The following SARDH variants were observed in gnomAD, a reference collection of about 807,000 sequenced individuals.
SARDH encodes sarcosine dehydrogenase, also known as sarcosine dehydrogenase, mitochondrial.
Under a neutral mutation model 109.1 loss-of-function variants are expected in SARDH, and 95 were observed. That is an observed-to-expected ratio of 0.87 (90% CI 0.74 to 1.03). The LOEUF is 1.03. Ranked by LOEUF, SARDH falls within the 50% of genes least tolerant of loss-of-function variation. SARDH has a pLI of 0.00. For missense variants in SARDH, 1,267 were observed against 1,287.8 expected, an observed-to-expected ratio of 0.98 and a Z score of 0.25; for synonymous variants, 572 against 534.8, an observed-to-expected ratio of 1.07 and a Z score of -0.96.
In SARDH at chr9:133,709,406, T is replaced by C. The variant is rs1831830030; in HGVS notation, c.1329-978A>G. Among the ~76,000 whole-genome samples, 1 of 152,132 alleles carries C rather than the reference T, an allele frequency of 6.6e-6. No individual in the cohort carries two copies. Among genetic ancestry groups the C allele is most frequent in the South Asian group, 2.1e-4 (1 of 4,834 alleles). ...CCCGGGCCCAGCTGCATCAGGGCCC[T>C]GCAGCCGCCTCCCACGCACAAACCT... is the stretch of plus-strand genomic sequence containing the variant. On this transcript the variant is annotated intron_variant, in intron 10 of 20. Transcript: ENST00000439388. This position sits in a 1 kb window ranked among gnomAD's most constrained non-coding sequence, Gnocchi z 4.2.
In SARDH at chr9:133,687,730, T is replaced by C. The variant is rs569531455; in HGVS notation, c.2070-2444A>G. ...TATGGAGCATTTCCAGAAAGTTCCATGGGGCAGCAGCTCACACAGCCCCTA... is the reference window on the plus strand; with the variant it reads ...TATGGAGCATTTCCAGAAAGTTCCACGGGGCAGCAGCTCACACAGCCCCTA... On this transcript the variant is annotated intron_variant, in intron 16 of 20. Transcript: ENST00000439388. Among the ~76,000 whole-genome samples, 3 of 152,334 alleles carry C rather than the reference T, an allele frequency of 2.0e-5. No homozygotes were observed. In the South Asian group the frequency reaches 6.2e-4, roughly 32 times the overall value.
intron 16 of SARDH, among the ~76,000 whole-genome samples, chr9:133,685,802 C>T (rs926623836): frequency 6.6e-6 from 1 of 152,190 alleles, no homozygotes; most frequent in Non-Finnish European, 1.5e-5. Context: ...TTGCCCAAGG[C>T]AGAGCCGGAT....
At chr9:133,717,700 C>A (rs1229568715) in intron 7 of SARDH, among the ~76,000 whole-genome samples, 2 of 151,814 alleles carry the variant, frequency 1.3e-5, no homozygotes, top group Non-Finnish European at 2.9e-5. Context: ...TCCCACCATG[C>A]CCCTTCCCTA....
chr9:133,715,446 G>A lies in SARDH; in HGVS notation c.1150+1880C>T, dbSNP rs28561635. Among the ~76,000 whole-genome samples, 1,119 of 152,248 alleles carry A rather than the reference G, an allele frequency of 7.3e-3. 11 individuals carry two copies. Among genetic ancestry groups the A allele is most frequent in the African/African-American group, 0.023 (939 of 41,544 alleles). ...CTGCGGGGTGGGGGCAGTGAGTCAC[G>A]GCTGTGTGCTCCTACCCTGCACGCT... is the stretch of plus-strand genomic sequence containing the variant. On this transcript the variant is annotated intron_variant, in intron 8 of 20. Transcript: ENST00000439388.
chr9:133,674,948 G>A (rs972634207), intron 17 of SARDH, among the ~76,000 whole-genome samples: 7 of 152,186 alleles, frequency 4.6e-5, no homozygotes, highest in Admixed American at 1.3e-4. Flanking sequence ...CACGGGATGG[G>A]AGAGAACATT....
intron 3 of SARDH, 94 bp from the exon 4 acceptor site, chr9:133,731,578 C>T: frequency 7.7e-7 from 1 of 1,292,092 alleles, no homozygotes; most frequent in Non-Finnish European, 1.1e-6. Context: ...AAACCCCAGC[C>T]TCACTTTCTC....
intron 17 of SARDH, among the ~76,000 whole-genome samples, chr9:133,684,587 C>T (rs1830816602): frequency 6.6e-6 from 1 of 152,130 alleles, no homozygotes; most frequent in African/African-American, 2.4e-5. Flanking sequence ...CTGAGGGAGC[C>T]TCCTGCCTGG....
chr9:133,729,870 G>T lies in SARDH; in HGVS notation c.815-5C>A. 6.2e-7 allele frequency: 1 copy of T among 1,611,130 alleles called. No individual in the cohort carries two copies. Among genetic ancestry groups the T allele is most frequent in the Non-Finnish European group, 8.5e-7 (1 of 1,179,872 alleles). On this transcript the variant is annotated splice_region_variant and splice_polypyrimidine_tract_variant and intron_variant, in intron 5 of 20. Coordinates refer to ENST00000439388, the MANE Select transcript of SARDH (RefSeq NM_001134707.2). Reference sequence around the variant, plus strand: ...CCACAGCACTTGCCCACACTCCTGCGGGCAGAGCACAGACAGCTCAGCTCT... The same window carrying T: ...CCACAGCACTTGCCCACACTCCTGCTGGCAGAGCACAGACAGCTCAGCTCT...
rs1831163014 is a variant in SARDH at position 133,693,127 on chromosome 9, C to T, written c.1921+1131G>A. On this transcript the variant is annotated intron_variant, in intron 15 of 20. Coordinates refer to ENST00000439388, the MANE Select transcript of SARDH (RefSeq NM_001134707.2). This position sits in a 1 kb window ranked among gnomAD's most constrained non-coding sequence, Gnocchi z 5.6. ...TCCTCTTGACCCATCTAACATCCTA[C>T]ACCTTCCACTTATTTTATTTTTTTA... 6.6e-6 allele frequency among the ~76,000 whole-genome samples: 1 copy of T among 151,782 alleles called. No individual in the cohort carries two copies. Among genetic ancestry groups the T allele is most frequent in the Admixed American group, 6.6e-5 (1 of 15,228 alleles).
chr9:133,716,235 T>A (rs1428217056), intron 8 of SARDH, among the ~76,000 whole-genome samples: 1 of 152,220 alleles, frequency 6.6e-6, no homozygotes, highest in Non-Finnish European at 1.5e-5. Context: ...GATCAGTGAC[T>A]TGCATTGGGT....
chr9:133,727,800 C>G (rs1271341641), intron 6 of SARDH, among the ~76,000 whole-genome samples: 1 of 152,188 alleles, frequency 6.6e-6, no homozygotes. Context: ...TTGACATACA[C>G]AGGAGGGGGC....
At position 133,682,909 on chromosome 9, in the gene SARDH, T is replaced by C. The variant is rs1475366662; in HGVS notation, c.2163+2284A>G. Among the ~76,000 whole-genome samples, 5 of 152,294 alleles carry C rather than the reference T, an allele frequency of 3.3e-5. 1 individual carries two copies. The East Asian group carries it at 5.8e-4, about 18-fold the overall frequency. The stretch of plus-strand genomic sequence containing the variant: ...CCCCTGTGCTGAAACCCATGCGCAG[T>C]GATGGTTGGAAACCGAGCAATGAGC... On this transcript the variant is annotated intron_variant, in intron 17 of 20. Transcript: ENST00000439388.
intron 19 of SARDH, chr9:133,667,194 G>GGTT (rs1564225742): frequency 6.2e-6 from 2 of 322,258 alleles, no homozygotes; most frequent in South Asian, 5.2e-5. Context: ...TTCAACTCTG[G>GGTT]TTTTTTTTTT....
Position 133,712,852 on chromosome 9 carries a change from G to T in SARDH, c.1238-143C>A. The T allele has an allele frequency of 2.1e-6, 2 of 931,220 alleles. No individual in the cohort carries two copies. Among genetic ancestry groups the T allele is most frequent in the South Asian group, 1.5e-5 (1 of 65,028 alleles). 57.7% of individuals were successfully genotyped at this position (931,220 alleles called of 1,614,324 possible). Reference sequence around the variant, plus strand: ...TGGGGTGCTGCACGCCTCCTGATTGGACTGCTGCTGGACTGGACCCTGGCA... The same window carrying T: ...TGGGGTGCTGCACGCCTCCTGATTGTACTGCTGCTGGACTGGACCCTGGCA... On this transcript the variant is annotated intron_variant, in intron 9 of 20. Coordinates refer to ENST00000439388, the MANE Select transcript of SARDH (RefSeq NM_001134707.2). This position sits in a 1 kb window ranked among gnomAD's most constrained non-coding sequence, Gnocchi z 4.1.
intron 19 of SARDH, among the ~76,000 whole-genome samples, chr9:133,669,663 C>T (rs1052512135): frequency 6.6e-6 from 1 of 152,146 alleles, no homozygotes; most frequent in Non-Finnish European, 1.5e-5. Context: ...GGTCAGGTCG[C>T]CCCCAGGCAG....
chr9:133,660,502 T>C (rs1291475622), downstream of SARDH, among the ~76,000 whole-genome samples: 2 of 152,266 alleles, frequency 1.3e-5, no homozygotes, highest in South Asian at 2.1e-4. Flanking sequence ...TACCTGAAAA[T>C]GACCTACATG....
downstream of SARDH, among the ~76,000 whole-genome samples, chr9:133,661,357 AAC>A (rs1259692963): frequency 4.4e-4 from 66 of 150,928 alleles, no homozygotes; most frequent in African/African-American, 1.5e-3. Flanking sequence ...AAACAACAAC[AAC>A]AAAAAAAAAC....
chr9:133,683,473 G>T (rs1231487115), intron 17 of SARDH, among the ~76,000 whole-genome samples: 2 of 152,240 alleles, frequency 1.3e-5, no homozygotes, highest in Non-Finnish European at 2.9e-5. Flanking sequence ...GATGCTGCGT[G>T]GACCCCGGCC....
upstream of SARDH, chr9:133,738,401 A>C (rs1159241139): frequency 4.8e-5 from 7 of 145,112 alleles, no homozygotes; most frequent in Admixed American, 4.7e-4. Flanking sequence ...GTCTCCGCCC[A>C]GGATCTGGGC....
Sources: gnomAD v4.1 joint callset for allele counts (sites outside exome capture counted in the v4.1 genomes callset) on GRCh38, gnomAD v4.1.1 for gene constraint, Gnocchi (gnomAD v3.1) non-coding constraint, MANE v1.5 for transcripts, NCBI Gene and HGNC (gene_info 2026-07-23, HGNC 2026-07-21) for gene names.